THADA: variants seen among roughly 807,000 people sequenced by gnomAD.
THADA encodes tRNA (32-2'-O)-methyltransferase regulator THADA.
Under a neutral mutation model 219.8 loss-of-function variants are expected in THADA, and 213 were observed. The observed-to-expected ratio is 0.97, with a 90% CI of 0.87 to 1.09. The LOEUF is 1.09. Among genes scored for constraint, THADA ranks in the 50% least tolerant of loss-of-function variants. The pLI, the probability that THADA is intolerant of heterozygous loss-of-function variation, is 0.00. For missense variants in THADA, 2,956 were observed against 2,311.3 expected (o/e 1.28, Z -5.72); for synonymous variants, 1,018 against 828.9 (o/e 1.23, Z -3.92).
chr2:43,376,137 T>C (rs899657031), intron 29 of THADA, among the ~76,000 whole-genome samples: 2 of 152,322 alleles, frequency 1.3e-5, no homozygotes, highest in East Asian at 3.9e-4. Context: ...AATGCTCTCT[T>C]CTATTTTATT....
At chr2:43,495,775 C>G (rs1298232581) in intron 25 of THADA, among the ~76,000 whole-genome samples, 1 of 152,180 alleles carries the variant, frequency 6.6e-6, no homozygotes, top group Non-Finnish European at 1.5e-5. Context: ...ATTGATATTT[C>G]TGACAATCAC....
Position 43,556,363 on chromosome 2 carries a change from C to A in THADA, c.2656G>T (p.Glu886Ter). The A allele has an allele frequency of 1.9e-6, 3 of 1,613,836 alleles. No homozygotes were observed. The highest frequency in any genetic ancestry group is 2.5e-6 in the Non-Finnish European group (3 of 1,179,814). Reference sequence around the variant, plus strand: ...TACAAACCCATTAATGTGTTCCTTTCCACCACAGCAGCAGGCCTATCTCCA... The same window carrying A: ...TACAAACCCATTAATGTGTTCCTTTACACCACAGCAGCAGGCCTATCTCCA... ...DNGDRPAAVV[E>*]RNTLMVIKCL... Residue 886 changes from glutamate to a stop codon, truncating the protein, a stop_gained, in exon 17 of 38, where the codon GAA becomes TAA. Transcript: ENST00000405975. LOFTEE classifies it high-confidence loss of function.
At chr2:43,295,918 GTT>G (rs35182242) in intron 31 of THADA, among the ~76,000 whole-genome samples, 5,041 of 128,204 alleles carry the variant, frequency 0.039, 268 homozygotes, top group African/African-American at 0.14. Context: ...AACCTCTACT[GTT>G]TTTTTTTTTT....
intron 36 of THADA, among the ~76,000 whole-genome samples, chr2:43,233,808 G>A (rs1487403454): frequency 6.6e-6 from 1 of 152,000 alleles, no homozygotes; most frequent in Non-Finnish European, 1.5e-5. Context: ...AAACCTGGAG[G>A]GTGTCTGAAA....
In THADA at chr2:43,574,480, G is replaced by C; in HGVS notation, c.1585C>G (p.Pro529Ala). The C allele has an allele frequency of 6.2e-7, 1 of 1,613,794 alleles. No individual in the cohort carries two copies. Among genetic ancestry groups the C allele is most frequent in the South Asian group, 1.1e-5 (1 of 91,066 alleles). Reference sequence around the variant, plus strand: ...CCTTCACACAATATAAAAAGGAGAGGAGAAACCCAAGTCTCATGCCACTGG... The same window carrying C: ...CCTTCACACAATATAAAAAGGAGAGCAGAAACCCAAGTCTCATGCCACTGG... Reference protein sequence around the residue: ...IDQWHETWVSPLLFILCEGNL... With the variant: ...IDQWHETWVSALLFILCEGNL... Residue 529 changes from proline (P) to alanine (A), a missense_variant, in exon 11 of 38, where the codon CCT becomes GCT. Transcript: ENST00000405975.
At chr2:43,555,412 GT>G (rs765839694) in intron 17 of THADA, among the ~76,000 whole-genome samples, 109 of 148,868 alleles carry the variant, frequency 7.3e-4, no homozygotes, top group Non-Finnish European at 1.2e-3. Context: ...ATATATATAT[GT>G]TTTTTAAGCC....
intron 7 of THADA, among the ~76,000 whole-genome samples, chr2:43,585,115 C>G (rs1700870273): frequency 6.6e-6 from 1 of 151,976 alleles, no homozygotes; most frequent in South Asian, 2.1e-4. Context: ...AAGAGTTACC[C>G]CAAGAAAGAG....
chr2:43,508,993 G>C (rs919854685), intron 22 of THADA, among the ~76,000 whole-genome samples: 10 of 152,078 alleles, frequency 6.6e-5, no homozygotes, highest in African/African-American at 2.4e-4. Context: ...AGTGTTTAAA[G>C]CATGTGTCTT....
chr2:43,498,885 A>G lies in THADA; in HGVS notation c.3692T>C (p.Val1231Ala), dbSNP rs771463563. The G allele has an allele frequency of 7.4e-6, 12 of 1,611,444 alleles. No individual in the cohort carries two copies. Among genetic ancestry groups the G allele is most frequent in the Non-Finnish European group, 1.0e-5 (12 of 1,178,830 alleles). ...TRLGENIIPYVADGAKAAILG... is the reference protein window; with the variant it reads ...TRLGENIIPYAADGAKAAILG... Reference sequence around the variant, plus strand: ...AATTGCAGCCTTAGCTCCATCAGCAACATAAGGAATAATATTTTCTCCCAG... The same window carrying G: ...AATTGCAGCCTTAGCTCCATCAGCAGCATAAGGAATAATATTTTCTCCCAG... The change falls in exon 25 of 38, where the codon GTT (valine) becomes GCT (alanine). Residue 1231 changes from valine (V) to alanine (A), a missense_variant. By Grantham distance (64) the Val-to-Ala change is moderately conservative (BLOSUM62 0). Coordinates refer to ENST00000405975, the MANE Select transcript of THADA (RefSeq NM_022065.5).
intron 29 of THADA, among the ~76,000 whole-genome samples, chr2:43,383,512 G>A (rs907660382): frequency 7.9e-5 from 12 of 152,200 alleles, no homozygotes; most frequent in Admixed American, 7.9e-4. Flanking sequence ...CCGAATGTTA[G>A]GTTCAGCTGG....
intron 36 of THADA, among the ~76,000 whole-genome samples, chr2:43,247,683 C>T (rs144739958): frequency 0.016 from 2,186 of 136,336 alleles, 28 homozygotes; most frequent in Non-Finnish European, 0.021. Flanking sequence ...GAGCTGAGAT[C>T]GCGCCACCGC....
chr2:43,433,782 G>C (rs1679698593), intron 26 of THADA, among the ~76,000 whole-genome samples: 1 of 152,058 alleles, frequency 6.6e-6, no homozygotes. Context: ...CTGCCTCCTA[G>C]GTTCAAGCAA....
intron 31 of THADA, among the ~76,000 whole-genome samples, chr2:43,297,108 A>G (rs1412620383): frequency 4.6e-5 from 4 of 87,080 alleles, no homozygotes; most frequent in African/African-American, 2.2e-4. Context: ...GCCTCTTCCC[A>G]GCCGCCATCA....
intron 31 of THADA, among the ~76,000 whole-genome samples, chr2:43,298,883 G>GAAT (rs1380539976): frequency 6.6e-6 from 1 of 152,136 alleles, no homozygotes; most frequent in Non-Finnish European, 1.5e-5. Context: ...TGTGACTTGA[G>GAAT]TATTAACTCT....
intron 36 of THADA, among the ~76,000 whole-genome samples, chr2:43,267,729 G>A (rs866524146): frequency 6.6e-6 from 1 of 152,148 alleles, no homozygotes; most frequent in South Asian, 2.1e-4. Context: ...GAAAATGTCA[G>A]AGCACCAAGA....
intron 22 of THADA, among the ~76,000 whole-genome samples, chr2:43,514,404 T>A (rs932723439): frequency 2.0e-5 from 3 of 148,280 alleles, no homozygotes; most frequent in Non-Finnish European, 3.0e-5. Context: ...TGAGCTGAGA[T>A]CATGCCAAGG....
At chr2:43,346,969 T>C (rs990458616) in intron 29 of THADA, among the ~76,000 whole-genome samples, 3 of 152,198 alleles carry the variant, frequency 2.0e-5, no homozygotes, top group Non-Finnish European at 4.4e-5. Flanking sequence ...TTCACTCCTT[T>C]AGGACACATT....
chr2:43,549,399 C>G, intron 19 of THADA, 31 bp from the exon 20 acceptor site: 1 of 1,572,538 alleles, frequency 6.4e-7, no homozygotes, highest in Non-Finnish European at 8.6e-7. Context: ...TACATGAAAC[C>G]CAGTAACACA....
chr2:43,588,450 G>C (rs1701222471), intron 4 of THADA, among the ~76,000 whole-genome samples: 1 of 151,900 alleles, frequency 6.6e-6, no homozygotes, highest in Non-Finnish European at 1.5e-5. Flanking sequence ...GTAAAGACAA[G>C]ACACCATGAG....
Sources: allele counts gnomAD v4.1 joint callset (sites outside exome capture counted in the v4.1 genomes callset), GRCh38; gene constraint gnomAD v4.1.1; transcripts MANE v1.5; gene names NCBI Gene and HGNC (gene_info 2026-07-23, HGNC 2026-07-21).